ALK: variants seen among roughly 807,000 people sequenced by gnomAD.
The protein encoded by ALK is ALK receptor tyrosine kinase.
Under a neutral mutation model 163.1 loss-of-function variants are expected in ALK, and 74 were observed. The ratio of observed to expected loss-of-function variants is 0.45; its 90% CI spans 0.38 to 0.55. The LOEUF is 0.55. ALK is among the 20% of genes least tolerant of loss of function. The pLI is 0.00. For synonymous variants in ALK, 960 were observed against 843.2 expected (o/e 1.14, Z -2.40); for missense variants, 2,063 against 2,105.3 (o/e 0.98, Z 0.39).
intron 11 of ALK, among the ~76,000 whole-genome samples, chr2:29,268,782 C>T (rs555724138): frequency 4.6e-5 from 7 of 152,070 alleles, no homozygotes; most frequent in Admixed American, 2.0e-4. Context: ...TGGATTGAGC[C>T]GGCTTGACTT....
intron 11 of ALK, among the ~76,000 whole-genome samples, chr2:29,268,968 C>T (rs1261080254): frequency 3.9e-5 from 6 of 152,156 alleles, no homozygotes; most frequent in Non-Finnish European, 4.4e-5. Flanking sequence ...CAAACCTAAG[C>T]GCTGTAAGCA....
intron 3 of ALK, among the ~76,000 whole-genome samples, chr2:29,580,422 C>A (rs765734309): frequency 1.3e-5 from 2 of 152,144 alleles, no homozygotes; most frequent in African/African-American, 4.8e-5. Context: ...AACCGCAAGG[C>A]CACCGCTGGC....
chr2:29,636,216 A>T (rs1186654557), intron 3 of ALK, among the ~76,000 whole-genome samples: 1 of 152,208 alleles, frequency 6.6e-6, no homozygotes, highest in East Asian at 1.9e-4. Flanking sequence ...ACAGACACAT[A>T]CAAATATGCC....
intron 11 of ALK, among the ~76,000 whole-genome samples, chr2:29,252,620 G>A (rs1664847802): frequency 6.6e-6 from 1 of 152,150 alleles, no homozygotes; most frequent in Non-Finnish European, 1.5e-5. Flanking sequence ...GCTGGGAGGT[G>A]GAAGTTCTGG....
rs1169679436 is a variant in ALK, at chr2:29,404,120, A to G, written c.1155-20261T>C. Among the ~76,000 whole-genome samples the G allele has an allele frequency of 2.0e-5, 3 of 152,130 alleles. No homozygotes were observed. The East Asian group carries it at 5.8e-4, about 29-fold the overall frequency. ...AGAGTTTGAGACCAGCCTGGCCAAC[A>G]TGGTGAAACCCCATCTCTACTAAAA... On this transcript the variant is annotated intron_variant, in intron 4 of 28. Coordinates refer to ENST00000389048, the MANE Select transcript of ALK (RefSeq NM_004304.5).
chr2:29,784,413 A>T (rs991064013), intron 1 of ALK, among the ~76,000 whole-genome samples: 1 of 152,232 alleles, frequency 6.6e-6, no homozygotes, highest in Admixed American at 6.5e-5. Context: ...GAACTGGTCC[A>T]GGCTGGGCAC....
intron 5 of ALK, 92 bp downstream of exon 5, chr2:29,383,640 T>A (rs535541613): frequency 1.3e-6 from 2 of 1,557,448 alleles, no homozygotes; most frequent in African/African-American, 2.7e-5. Flanking sequence ...TCTTCATAAG[T>A]GTGCACATTC....
At chr2:29,652,539 G>C (rs116311000) in intron 3 of ALK, among the ~76,000 whole-genome samples, 2,163 of 152,208 alleles carry the variant, frequency 0.014, 55 homozygotes, top group African/African-American at 0.048. Flanking sequence ...GCTAATGATT[G>C]ACTGATGACT....
intron 5 of ALK, among the ~76,000 whole-genome samples, chr2:29,333,728 C>G (rs75585112): frequency 0.049 from 7,469 of 152,204 alleles, 244 homozygotes; most frequent in Middle Eastern, 0.075. Context: ...GTGATTCTTC[C>G]ACCTCAGCCT....
At chr2:29,666,854 T>G (rs1573539483) in intron 3 of ALK, among the ~76,000 whole-genome samples, 1 of 152,062 alleles carries the variant, frequency 6.6e-6, no homozygotes, top group Non-Finnish European at 1.5e-5. Context: ...CTCCTACCTT[T>G]CCCAGCCTCT....
intron 3 of ALK, among the ~76,000 whole-genome samples, chr2:29,573,055 G>A (rs1674424293): frequency 1.3e-5 from 2 of 152,222 alleles, no homozygotes. Context: ...TTCTGGGTAA[G>A]CTGCAGGGAA....
At chr2:29,905,309 G>C (rs1667514099) in intron 1 of ALK, among the ~76,000 whole-genome samples, 1 of 152,160 alleles carries the variant, frequency 6.6e-6, no homozygotes, top group Admixed American at 6.5e-5. Context: ...ATGTAAATTA[G>C]ACTTAAGTCT....
At chr2:29,538,608 C>A (rs1200218896) in intron 3 of ALK, among the ~76,000 whole-genome samples, 1 of 152,166 alleles carries the variant, frequency 6.6e-6, no homozygotes, top group African/African-American at 2.4e-5. Flanking sequence ...TGTTCCTTTA[C>A]AGTGACACAA....
intron 1 of ALK, among the ~76,000 whole-genome samples, chr2:29,799,819 T>C (rs1437649787): frequency 6.6e-6 from 1 of 152,244 alleles, no homozygotes; most frequent in Non-Finnish European, 1.5e-5. Context: ...TGTAATATTG[T>C]ATTGTCATCA....
At chr2:29,741,752 C>T (rs545225649) in intron 1 of ALK, among the ~76,000 whole-genome samples, 116 of 152,256 alleles carry the variant, frequency 7.6e-4, no homozygotes, top group Non-Finnish European at 1.4e-3. Context: ...TGGCCTCTAT[C>T]CCCTTACAAA....
chr2:29,543,047 CTTT>C (rs990783960), intron 3 of ALK, among the ~76,000 whole-genome samples: 3 of 151,670 alleles, frequency 2.0e-5, no homozygotes, highest in African/African-American at 7.3e-5. Flanking sequence ...TTTTCTTCTT[CTTT>C]TAACAGAAGA....
At chr2:29,463,512 T>C (rs1436637299) in intron 4 of ALK, among the ~76,000 whole-genome samples, 1 of 152,078 alleles carries the variant, frequency 6.6e-6, no homozygotes, top group Admixed American at 6.6e-5. Flanking sequence ...CTAGAAAAAA[T>C]GGTGGGTTTC....
At chr2:29,233,458 A>C (rs1288694475) in intron 14 of ALK, 107 bp downstream of exon 14, 8 of 1,532,712 alleles carry the variant, frequency 5.2e-6, no homozygotes, top group Non-Finnish European at 7.2e-6. Flanking sequence ...GCTCATCTTT[A>C]CACGGGGATA....
At chr2:29,352,045 T>C (rs954070307) in intron 5 of ALK, among the ~76,000 whole-genome samples, 2 of 152,160 alleles carry the variant, frequency 1.3e-5, no homozygotes, top group East Asian at 1.9e-4. Context: ...TAGGAGATGA[T>C]GACCATCTTG....
Sources: allele counts gnomAD v4.1 joint callset (sites outside exome capture counted in the v4.1 genomes callset), GRCh38; gene constraint gnomAD v4.1.1; transcripts MANE v1.5; gene names NCBI Gene and HGNC (gene_info 2026-07-23, HGNC 2026-07-21).